The following NTAQ1 variants were observed in gnomAD, a reference collection of about 807,000 sequenced individuals.
NTAQ1 encodes the protein N-terminal glutamine amidase 1, also known as protein N-terminal glutamine amidohydrolase.
Under a neutral mutation model 28.2 loss-of-function variants are expected in NTAQ1, and 21 were observed. The ratio of observed to expected loss-of-function variants is 0.74; its 90% CI spans 0.53 to 1.07. The LOEUF (loss-of-function observed/expected upper bound fraction) is 1.07, where lower values mean the gene tolerates loss of function less well. Among genes scored for constraint, NTAQ1 ranks in the 50% least tolerant of loss-of-function variants. The pLI, the probability that NTAQ1 is intolerant of heterozygous loss-of-function variation, is 0.00. For missense variants in NTAQ1, 264 were observed against 256.6 expected (o/e 1.03, Z -0.20); for synonymous variants, 105 against 90.0 (o/e 1.17, Z -0.94).
chr8:123,424,360 A>G (rs1165289166), intron 1 of NTAQ1, among the ~76,000 whole-genome samples: 1 of 152,006 alleles, frequency 6.6e-6, no homozygotes, highest in East Asian at 1.9e-4. Context: ...CTCCTGCCTC[A>G]GCCTCCTGAG....
intron 2 of NTAQ1, among the ~76,000 whole-genome samples, chr8:123,428,490 G>A (rs7000637): frequency 0.36 from 55,055 of 151,974 alleles, 10,083 homozygotes; most frequent in East Asian, 0.56. Context: ...GAGCCACCAT[G>A]CCCAGCTTAG....
intron 3 of NTAQ1, among the ~76,000 whole-genome samples, chr8:123,431,666 G>T (rs1814403461): frequency 6.6e-6 from 1 of 152,296 alleles, no homozygotes; most frequent in East Asian, 1.9e-4. Flanking sequence ...TCTGGAGTTA[G>T]GCATACTGGG....
intron 6 of NTAQ1, among the ~76,000 whole-genome samples, chr8:123,463,033 T>C (rs1163892221): frequency 6.6e-6 from 1 of 152,200 alleles, no homozygotes; most frequent in East Asian, 1.9e-4. Flanking sequence ...AGTACAGGAA[T>C]GGGAATACGG....
chr8:123,435,618 G>C (rs1308276039), intron 3 of NTAQ1: 8 of 817,772 alleles, frequency 9.8e-6, no homozygotes, highest in Non-Finnish European at 1.2e-5. Flanking sequence ...TGTAATTCCA[G>C]GACTTTGGGA....
chr8:123,449,964 T>TG (rs1480389615), downstream of NTAQ1, among the ~76,000 whole-genome samples: 147 of 58,742 alleles, frequency 2.5e-3, 38 homozygotes, highest in Admixed American at 5.7e-3. Flanking sequence ...TATATATATA[T>TG]ATATATATAT....
chr8:123,416,931 T>A lies in NTAQ1; in HGVS notation c.82T>A (p.Cys28Ser). The change falls in exon 1 of 6, where the codon TGT becomes AGT. Residue 28 changes from cysteine (C) to serine (S), a missense_variant and splice_region_variant. Physicochemically the swap from Cys to Ser is moderately radical, Grantham distance 112 (BLOSUM62 -1). Transcript: ENST00000287387. ...RDACVYSSCYCEENIWKLCEY... is the reference protein window; with the variant it reads ...RDACVYSSCYSEENIWKLCEY... ...CGCCTGCGTCTACAGCAGCTGCTAC[T>A]GGTGAGGGGGCGCGGGCGCAGCCTC... The A allele has an allele frequency of 2.7e-6, 4 of 1,499,116 alleles. No individual in the cohort carries two copies. The highest frequency in any genetic ancestry group is 3.6e-6 in the Non-Finnish European group (4 of 1,123,484). 92.9% of individuals were successfully genotyped at this position (1,499,116 alleles called of 1,614,324 possible).
At chr8:123,470,802 C>G (rs568390716), downstream of NTAQ1, among the ~76,000 whole-genome samples, 3 of 152,228 alleles carry the variant, frequency 2.0e-5, no homozygotes, top group South Asian at 6.2e-4. Flanking sequence ...CCTCTTTTAG[C>G]TTCTGGTGTT....
chr8:123,473,808 T>G (rs1816065412), downstream of NTAQ1, among the ~76,000 whole-genome samples: 1 of 152,238 alleles, frequency 6.6e-6, no homozygotes, highest in Non-Finnish European at 1.5e-5. Context: ...ATCATCTTGT[T>G]TATGTTATTT....
intron 6 of NTAQ1, among the ~76,000 whole-genome samples, chr8:123,466,386 G>A (rs1224567365): frequency 7.2e-5 from 11 of 152,194 alleles, no homozygotes; most frequent in Non-Finnish European, 2.9e-5. Context: ...ATGGCGCATG[G>A]TGCAAGACAG....
chr8:123,474,658 A>G (rs1347287148), downstream of NTAQ1, among the ~76,000 whole-genome samples: 1 of 152,210 alleles, frequency 6.6e-6, no homozygotes, highest in Non-Finnish European at 1.5e-5. Context: ...TAATCCTAGC[A>G]CTGTGGGAGG....
chr8:123,424,300 T>A (rs907090625), intron 1 of NTAQ1, among the ~76,000 whole-genome samples: 2 of 151,862 alleles, frequency 1.3e-5, no homozygotes, highest in African/African-American at 4.8e-5. Flanking sequence ...TGGAGTGCAG[T>A]AGCACGATCT....
downstream of NTAQ1, among the ~76,000 whole-genome samples, chr8:123,470,355 G>C (rs946448510): frequency 6.6e-6 from 1 of 152,216 alleles, no homozygotes; most frequent in Non-Finnish European, 1.5e-5. Context: ...CGCAGTCCCT[G>C]TGTTCACTTA....
intron 1 of NTAQ1, among the ~76,000 whole-genome samples, chr8:123,418,447 C>CAAA (rs11447317): frequency 2.4e-5 from 3 of 126,724 alleles, no homozygotes; most frequent in Non-Finnish European, 5.0e-5. Flanking sequence ...GACTCCATCT[C>CAAA]AAAAAAAAAA....
chr8:123,470,323 G>A (rs531108685), downstream of NTAQ1, among the ~76,000 whole-genome samples: 39 of 152,340 alleles, frequency 2.6e-4, no homozygotes, highest in African/African-American at 8.4e-4. Flanking sequence ...TCAAGGGTTC[G>A]TGAACTTGTT....
At chr8:123,434,205 G>A (rs529354013) in intron 3 of NTAQ1, among the ~76,000 whole-genome samples, 1 of 152,088 alleles carries the variant, frequency 6.6e-6, no homozygotes, top group East Asian at 1.9e-4. Context: ...ATATCCTGCA[G>A]CAGTTTACCT....
At chr8:123,429,602 C>A (rs112065087) in intron 2 of NTAQ1, among the ~76,000 whole-genome samples, 1 of 152,026 alleles carries the variant, frequency 6.6e-6, no homozygotes, top group Non-Finnish European at 1.5e-5. Flanking sequence ...CGGTGGCTCA[C>A]GCCTATAATC....
At chr8:123,421,257 T>TTTTCTTTTC (rs1391446272) in intron 1 of NTAQ1, among the ~76,000 whole-genome samples, 2 of 151,554 alleles carry the variant, frequency 1.3e-5, no homozygotes, top group East Asian at 1.9e-4. Flanking sequence ...ATTTTTATAT[T>TTTTCTTTTC]TTTTGTAGTG....
At chr8:123,453,427 T>TG (rs1412302197) in intron 6 of NTAQ1, among the ~76,000 whole-genome samples, 1 of 149,966 alleles carries the variant, frequency 6.7e-6, no homozygotes, top group Non-Finnish European at 1.5e-5. Context: ...TTTTGTTGCT[T>TG]TTTTTTTTTT....
intron 1 of NTAQ1, among the ~76,000 whole-genome samples, chr8:123,418,799 T>A (rs1406120803): frequency 6.6e-6 from 1 of 152,100 alleles, no homozygotes; most frequent in African/African-American, 2.4e-5. Context: ...TACCACAGAG[T>A]TTCTCCATCT....
Sources: gnomAD v4.1 joint callset for allele counts (sites outside exome capture counted in the v4.1 genomes callset) on GRCh38, gnomAD v4.1.1 for gene constraint, MANE v1.5 for transcripts, NCBI Gene and HGNC (gene_info 2026-07-23, HGNC 2026-07-21) for gene names.